The following RALGAPA1 variants were observed in gnomAD, a reference collection of about 807,000 sequenced individuals.
RALGAPA1 encodes ral GTPase-activating protein subunit alpha-1.
RALGAPA1 carries 52 observed loss-of-function variants against 269.6 expected under a neutral mutation model. The ratio of observed to expected loss-of-function variants is 0.19; its 90% CI spans 0.15 to 0.24. RALGAPA1 has a LOEUF of 0.24. RALGAPA1 is among the 10% of genes least tolerant of loss of function. The pLI is 1.00. For synonymous variants in RALGAPA1, 817 were observed against 1,008.3 expected (o/e 0.81, Z 3.60); for missense variants, 1,917 against 3,013.9 (o/e 0.64, Z 8.52).
intron 12 of RALGAPA1, among the ~76,000 whole-genome samples, chr14:35,736,988 A>G (rs1204088174): frequency 6.7e-6 from 1 of 149,524 alleles, no homozygotes; most frequent in Non-Finnish European, 1.5e-5. Context: ...GTGAGCTGAG[A>G]TTGTGCCACT....
chr14:35,766,520 A>G lies in RALGAPA1; in HGVS notation c.326-3767T>C. ...CTTATTCAATTGTCTGCTACCATCTATTGTGCACATCAGAAGCAGCATCGA... is the reference window on the plus strand; with the variant it reads ...CTTATTCAATTGTCTGCTACCATCTGTTGTGCACATCAGAAGCAGCATCGA... On this transcript the variant is annotated intron_variant, in intron 4 of 41. Transcript: ENST00000680220. 6 of 1,150,892 alleles carry G rather than the reference A, an allele frequency of 5.2e-6. No homozygotes were observed. The Admixed American group carries it at 7.2e-5, about 14-fold the overall frequency. 71.3% of individuals were successfully genotyped at this position (1,150,892 alleles called of 1,614,324 possible).
At chr14:35,788,107 G>C (rs2075921303) in intron 1 of RALGAPA1, among the ~76,000 whole-genome samples, 1 of 152,052 alleles carries the variant, frequency 6.6e-6, no homozygotes, top group Non-Finnish European at 1.5e-5. Flanking sequence ...GGGTAGCTGG[G>C]ATTACAGGCA....
At chr14:35,662,736 C>A (rs28733398) in intron 27 of RALGAPA1, among the ~76,000 whole-genome samples, 17,108 of 152,012 alleles carry the variant, frequency 0.11, 1,610 homozygotes, top group East Asian at 0.37. Context: ...TTCAAAATCT[C>A]CTGAATAAAA....
intron 21 of RALGAPA1, among the ~76,000 whole-genome samples, chr14:35,679,606 T>C (rs1375370794): frequency 6.6e-6 from 1 of 152,234 alleles, no homozygotes; most frequent in African/African-American, 2.4e-5. Flanking sequence ...GTATGAGTAT[T>C]TGAAGTAAGG....
chr14:35,618,431 A>C (rs10129493), intron 35 of RALGAPA1, among the ~76,000 whole-genome samples: 26,451 of 152,076 alleles, frequency 0.17, 4,235 homozygotes, highest in African/African-American at 0.41. Flanking sequence ...CATCCTTTCC[A>C]TATAAGAACT....
chr14:35,606,626 T>C (rs1172813778), intron 35 of RALGAPA1, among the ~76,000 whole-genome samples: 1 of 152,164 alleles, frequency 6.6e-6, no homozygotes, highest in Non-Finnish European at 1.5e-5. Flanking sequence ...TGTTTGAAAT[T>C]TAGCTTTGAA....
chr14:35,575,400 C>CTAAATGAAATT (rs1423940700), intron 37 of RALGAPA1, among the ~76,000 whole-genome samples: 1 of 152,148 alleles, frequency 6.6e-6, no homozygotes, highest in Admixed American at 6.6e-5. Context: ...GACAAAGCAG[C>CTAAATGAAATT]TAAATGAAAT....
Position 35,809,269 on chromosome 14 carries a change from T to TGCA in RALGAPA1, c.-437_-435dup, listed in dbSNP as rs2077579674. ...GAAGCTTCTTTAGCAGCTTACACCC[T>TGCA]GCAGAGGCCGAAACGGAGACGAGTG... On this transcript the variant is annotated 5_prime_UTR_variant, in exon 1 of 42. Transcript: ENST00000680220. 6.1e-6 allele frequency: 1 copy of TGCA among 164,634 alleles called. No homozygotes were observed. Among genetic ancestry groups the TGCA allele is most frequent in the Admixed American group, 6.5e-5 (1 of 15,460 alleles). 10.2% of individuals were successfully genotyped at this position (164,634 alleles called of 1,614,324 possible).
At chr14:35,707,787 C>T (rs1469155026) in intron 16 of RALGAPA1, among the ~76,000 whole-genome samples, 1 of 152,142 alleles carries the variant, frequency 6.6e-6, no homozygotes. Flanking sequence ...ACATACCAGG[C>T]TGTTCAGATT....
chr14:35,749,414 C>G (rs1022988979), intron 9 of RALGAPA1, among the ~76,000 whole-genome samples: 2 of 151,992 alleles, frequency 1.3e-5, no homozygotes, highest in African/African-American at 2.4e-5. Flanking sequence ...TCAAGCCTAA[C>G]CAGATAGGGA....
Position 35,750,655 on chromosome 14 carries a change from C to T in RALGAPA1, c.838G>A (p.Val280Met), listed in dbSNP as rs764610635. 1.1e-5 allele frequency: 18 copies of T among 1,612,768 alleles called. No homozygotes were observed. The highest frequency in any genetic ancestry group is 3.3e-5 in the Admixed American group (2 of 59,866). ...PQMRPKPHYV[V>M]IKKDAETNEA... is the part of the protein sequence containing the mutation. The stretch of plus-strand genomic sequence containing the variant: ...TTGGTTTCAGCATCTTTCTTTATCA[C>T]GACATAATGTGGCTTTGGTCTCATC... Residue 280 changes from valine (V) to methionine (M), a missense_variant, in exon 9 of 42, where the codon GTG (valine) becomes ATG (methionine). By Grantham distance (21) the Val-to-Met change is conservative (BLOSUM62 1). Coordinates refer to ENST00000680220, the MANE Select transcript of RALGAPA1 (RefSeq NM_001346249.2).
At chr14:35,583,819 G>GA (rs112032766) in intron 37 of RALGAPA1, among the ~76,000 whole-genome samples, 1 of 151,432 alleles carries the variant, frequency 6.6e-6, no homozygotes, top group African/African-American at 2.4e-5. Flanking sequence ...ATTGAGAGAG[G>GA]AAAAAAAATA....
At chr14:35,690,037 C>T (rs370610285) in intron 17 of RALGAPA1, 34 bp from the exon 18 acceptor site, 1 of 1,360,102 alleles carries the variant, frequency 7.4e-7, no homozygotes, top group African/African-American at 1.5e-5. Flanking sequence ...TAGAGAAGAA[C>T]TACACAAATA....
intron 26 of RALGAPA1, among the ~76,000 whole-genome samples, chr14:35,671,117 C>T (rs2064384468): frequency 6.6e-6 from 1 of 152,158 alleles, no homozygotes; most frequent in Admixed American, 6.6e-5. Flanking sequence ...TTTCTTACCT[C>T]TTGCTATAGC....
chr14:35,797,215 G>A (rs1595591602), intron 1 of RALGAPA1, among the ~76,000 whole-genome samples: 3 of 151,820 alleles, frequency 2.0e-5, no homozygotes, highest in Admixed American at 6.6e-5. Flanking sequence ...TTAGCTGGGC[G>A]TGGTGGTGCG....
intron 12 of RALGAPA1, among the ~76,000 whole-genome samples, chr14:35,735,145 T>C (rs979956359): frequency 5.9e-5 from 9 of 151,614 alleles, no homozygotes; most frequent in Admixed American, 2.6e-4. Flanking sequence ...CTATGGAAAA[T>C]GGTGTGGAGA....
intron 35 of RALGAPA1, among the ~76,000 whole-genome samples, chr14:35,625,040 A>C (rs1008990529): frequency 1.3e-5 from 2 of 151,752 alleles, no homozygotes; most frequent in Non-Finnish European, 2.9e-5. Flanking sequence ...AAATACAAAA[A>C]AAAGTTAGCC....
intron 1 of RALGAPA1, among the ~76,000 whole-genome samples, chr14:35,799,856 A>C (rs991914614): frequency 6.6e-6 from 1 of 152,190 alleles, no homozygotes; most frequent in African/African-American, 2.4e-5. Flanking sequence ...ATATAAACCC[A>C]CTTCACATAT....
chr14:35,619,038 A>C (rs1030591079), intron 35 of RALGAPA1, among the ~76,000 whole-genome samples: 14 of 152,088 alleles, frequency 9.2e-5, no homozygotes, highest in African/African-American at 3.4e-4. Context: ...CTGGAAGAAT[A>C]AGTAGGTGAG....
Sources: allele counts gnomAD v4.1 joint callset (sites outside exome capture counted in the v4.1 genomes callset), GRCh38; gene constraint gnomAD v4.1.1; transcripts MANE v1.5; gene names NCBI Gene and HGNC (gene_info 2026-07-23, HGNC 2026-07-21).